Variants in CCDC102B observed in about 807,000 individuals in gnomAD.
CCDC102B encodes coiled-coil domain containing 102B.
A neutral mutation model predicts 57.4 loss-of-function variants in CCDC102B; 75 were observed. That is an observed-to-expected ratio of 1.31 (90% CI 1.08 to 1.58). The LOEUF is 1.58. Among genes scored for constraint, CCDC102B ranks in the 40% most tolerant of loss-of-function variants. CCDC102B has a pLI of 0.00. For synonymous variants in CCDC102B, 206 were observed against 201.9 expected (o/e 1.02, Z -0.17); for missense variants, 636 against 582.6 (o/e 1.09, Z -0.94).
At chr18:68,895,193 A>C (rs1320260491) in intron 5 of CCDC102B, among the ~76,000 whole-genome samples, 1 of 151,790 alleles carries the variant, frequency 6.6e-6, no homozygotes, top group East Asian at 1.9e-4. Context: ...CCAAACAAGC[A>C]TCCCAAATGT....
At chr18:68,963,855 ATCT>A (rs1210837100) in intron 6 of CCDC102B, among the ~76,000 whole-genome samples, 10 of 151,822 alleles carry the variant, frequency 6.6e-5, no homozygotes, top group African/African-American at 1.4e-4. Context: ...ATTTTGGAAA[ATCT>A]TCTAATAATT....
chr18:68,957,410 A>G (rs2049928390), intron 6 of CCDC102B, among the ~76,000 whole-genome samples: 1 of 152,086 alleles, frequency 6.6e-6, no homozygotes, highest in Non-Finnish European at 1.5e-5. Context: ...TTTGTTGAAA[A>G]TGAGTTCATT....
At chr18:68,804,736 G>A (rs2035972630) in intron 1 of CCDC102B, among the ~76,000 whole-genome samples, 1 of 152,056 alleles carries the variant, frequency 6.6e-6, no homozygotes, top group Admixed American at 6.6e-5. Flanking sequence ...CTGTTTTTGT[G>A]GCAAACTAGA....
chr18:68,715,249 C>A lies in CCDC102B; in HGVS notation c.-246C>A, dbSNP rs1188658667. 4 of 1,334,508 alleles carry A rather than the reference C, an allele frequency of 3.0e-6. No homozygotes were observed. The Admixed American group carries it at 1.1e-4, about 37-fold the overall frequency. The allele number at this position is 1,334,508 out of a possible 1,614,324, so 82.7% of individuals were successfully genotyped here. A position where few individuals can be genotyped will look rare whatever the true frequency, so the allele number is the denominator to read the frequency against. On this transcript the variant is annotated 5_prime_UTR_variant, in exon 1 of 4. Coordinates refer to the CCDC102B transcript ENST00000578970. Reference sequence around the variant, plus strand: ...TTTGCGCTCTCGGTGCCCCCCTCCACGCCCAGGAGCGTGGGAACCCTGCTT... The same window carrying A: ...TTTGCGCTCTCGGTGCCCCCCTCCAAGCCCAGGAGCGTGGGAACCCTGCTT...
At chr18:68,811,435 C>T (rs2036259648) in intron 1 of CCDC102B, among the ~76,000 whole-genome samples, 1 of 151,992 alleles carries the variant, frequency 6.6e-6, no homozygotes, top group African/African-American at 2.4e-5. Flanking sequence ...GCCAACATGG[C>T]AAAACCCCAT....
chr18:69,000,947 A>G (rs949336137), intron 6 of CCDC102B, among the ~76,000 whole-genome samples: 8 of 152,136 alleles, frequency 5.3e-5, no homozygotes, highest in Non-Finnish European at 1.2e-4. Flanking sequence ...ATATAGTGAT[A>G]CAGTATTTTA....
At chr18:68,736,013 CATT>C (rs903367386) in intron 2 of CCDC102B, among the ~76,000 whole-genome samples, 2 of 152,212 alleles carry the variant, frequency 1.3e-5, no homozygotes, top group Non-Finnish European at 2.9e-5. Context: ...ATCAACTCTT[CATT>C]CACAGAATGC....
intron 7 of CCDC102B, among the ~76,000 whole-genome samples, chr18:69,052,548 G>A (rs1001234602): frequency 6.6e-6 from 1 of 151,730 alleles, no homozygotes; most frequent in Non-Finnish European, 1.5e-5. Flanking sequence ...ATCAACAATA[G>A]GGATATAATC....
Position 68,934,997 on chromosome 18 carries a change from A to G in CCDC102B, c.1263+37569A>G, listed in dbSNP as rs2041796194. ...AGGTGGCGGTGAGTCCTATGGAGAA[A>G]CAGAAAGCCAGGGAGGTGGTCAGGA... On this transcript the variant is annotated intron_variant, in intron 6 of 7. Transcript: ENST00000360242. Among the ~76,000 whole-genome samples the G allele has an allele frequency of 2.0e-5, 3 of 152,038 alleles. No homozygotes were observed. In the South Asian group the frequency reaches 6.2e-4, roughly 31 times the overall value.
At chr18:68,845,581 C>T (rs906627686) in intron 3 of CCDC102B, among the ~76,000 whole-genome samples, 3 of 151,704 alleles carry the variant, frequency 2.0e-5, no homozygotes, top group Non-Finnish European at 4.4e-5. Context: ...ATCTACCTTA[C>T]AGATAAGAAC....
At chr18:68,936,501 A>G (rs1217551044) in intron 6 of CCDC102B, among the ~76,000 whole-genome samples, 1 of 151,974 alleles carries the variant, frequency 6.6e-6, no homozygotes, top group Non-Finnish European at 1.5e-5. Context: ...TTAGTTTTCT[A>G]CTTTTAGAAA....
chr18:68,751,741 T>A (rs1005809840), intron 2 of CCDC102B, among the ~76,000 whole-genome samples: 6 of 152,098 alleles, frequency 3.9e-5, no homozygotes, highest in Non-Finnish European at 8.8e-5. Flanking sequence ...TAATGAGTAT[T>A]GATTATGCTT....
At chr18:68,923,624 A>G (rs983358708) in intron 6 of CCDC102B, among the ~76,000 whole-genome samples, 3 of 152,126 alleles carry the variant, frequency 2.0e-5, no homozygotes, top group Non-Finnish European at 4.4e-5. Flanking sequence ...AGAAGCAAGT[A>G]TTCAAACACA....
rs563339015 is a variant in CCDC102B at position 68,746,122 on chromosome 18, C to T, written c.-67+29528C>T. Reference sequence around the variant, plus strand: ...CAAATTTTAAAAAACATATGCAACGCATGACATCTTGTCCTAATCCTTAGA... The same window carrying T: ...CAAATTTTAAAAAACATATGCAACGTATGACATCTTGTCCTAATCCTTAGA... On this transcript the variant is annotated intron_variant, in intron 2 of 3. Coordinates refer to the CCDC102B transcript ENST00000578970. Among the ~76,000 whole-genome samples the T allele has an allele frequency of 2.0e-5, 3 of 152,278 alleles. No homozygotes were observed. The East Asian group carries it at 5.8e-4, about 29-fold the overall frequency.
intron 2 of CCDC102B, among the ~76,000 whole-genome samples, chr18:68,738,993 C>CTTTTTTTTTTTTTTTTTTTTTTT (rs201214278): frequency 2.4e-4 from 35 of 144,964 alleles, no homozygotes; most frequent in South Asian, 1.1e-3. Context: ...GATGAGCAGC[C>CTTTTTTTTTTTTTTTTTTTTTTT]TTTTGTTTTT....
At chr18:69,008,089 C>T (rs1019365531) in intron 6 of CCDC102B, among the ~76,000 whole-genome samples, 2 of 152,116 alleles carry the variant, frequency 1.3e-5, no homozygotes, top group Non-Finnish European at 2.9e-5. Context: ...TATAACTTTC[C>T]CATTAAGCTC....
At position 69,054,508 on chromosome 18, in the gene CCDC102B, T is replaced by C. The variant is rs557440421; in HGVS notation, c.*371T>C. The stretch of plus-strand genomic sequence containing the variant: ...TCATTAATAAGAAAACCATTGACTT[T>C]AAGTATAAAGTACTGGTTTGTTTAA... On this transcript the variant is annotated 3_prime_UTR_variant, in exon 8 of 8. Coordinates refer to ENST00000360242, the MANE Select transcript of CCDC102B (RefSeq NM_024781.3). 5.0e-5 allele frequency: 50 copies of C among 1,000,692 alleles called. No homozygotes were observed. In the Middle Eastern group the frequency reaches 1.5e-3, roughly 31 times the overall value. 62.0% of individuals were successfully genotyped at this position (1,000,692 alleles called of 1,614,324 possible).
intron 7 of CCDC102B, among the ~76,000 whole-genome samples, chr18:69,049,599 A>G (rs367754784): frequency 6.6e-6 from 1 of 152,218 alleles, no homozygotes; most frequent in East Asian, 1.9e-4. Context: ...GACCCACCCC[A>G]TGGAAGCCCC....
At chr18:68,823,173 T>C (rs1182401433) in intron 1 of CCDC102B, among the ~76,000 whole-genome samples, 2 of 152,344 alleles carry the variant, frequency 1.3e-5, no homozygotes, top group Non-Finnish European at 2.9e-5. Context: ...TTGTAACCAA[T>C]TGGAGGCCTC....
Sources: allele counts gnomAD v4.1 joint callset (sites outside exome capture counted in the v4.1 genomes callset), GRCh38; gene constraint gnomAD v4.1.1; transcripts MANE v1.5; gene names NCBI Gene and HGNC (gene_info 2026-07-23, HGNC 2026-07-21).